The following CDK13 variants were observed in gnomAD, a reference collection of about 807,000 sequenced individuals.
CDK13 encodes cyclin dependent kinase 13, also known as cyclin-dependent kinase 13.
A neutral mutation model predicts 137.6 loss-of-function variants in CDK13; 40 were observed. The observed-to-expected ratio is 0.29, with a 90% CI of 0.23 to 0.38. The LOEUF (loss-of-function observed/expected upper bound fraction) is 0.38, where lower values mean the gene tolerates loss of function less well. Ranked by LOEUF, CDK13 falls within the 10% of genes least tolerant of loss-of-function variation. The pLI is 1.00. For missense variants in CDK13, 1,704 were observed against 1,951.8 expected (o/e 0.87, Z 2.39); for synonymous variants, 869 against 760.1 (o/e 1.14, Z -2.36).
chr7:39,965,193 C>G (rs1041619074), intron 1 of CDK13, among the ~76,000 whole-genome samples: 1 of 152,122 alleles, frequency 6.6e-6, no homozygotes, highest in Non-Finnish European at 1.5e-5. Context: ...AACTTTCTGT[C>G]TCGTTGATCT....
chr7:40,053,762 T>C (rs1222608000), intron 7 of CDK13, among the ~76,000 whole-genome samples: 1 of 152,030 alleles, frequency 6.6e-6, no homozygotes, highest in Non-Finnish European at 1.5e-5. Context: ...TTTTTCTTTT[T>C]TTTTTTTAAG....
chr7:40,068,119 A>G (rs1056780017), intron 9 of CDK13: 5 of 151,602 alleles, frequency 3.3e-5, no homozygotes, highest in Admixed American at 2.0e-4. Flanking sequence ...ATTGTATAAG[A>G]TATTAATCCA....
intron 3 of CDK13, chr7:39,998,946 T>C (rs1784622243): frequency 6.6e-6 from 1 of 152,518 alleles, no homozygotes; most frequent in African/African-American, 2.4e-5. Context: ...TCACATTCTT[T>C]ATCAAACTCT....
chr7:40,041,822 C>G lies in CDK13; in HGVS notation c.2354-4014C>G, dbSNP rs184596354. ...AGTGGCATAAGATATACCAGAAGAA[C>G]TTTTTTGACATATTGTTTTGTTTTT... On this transcript the variant is annotated intron_variant, in intron 5 of 13. Coordinates refer to ENST00000181839, the MANE Select transcript of CDK13 (RefSeq NM_003718.5). Among the ~76,000 whole-genome samples the G allele has an allele frequency of 1.4e-4, 22 of 152,224 alleles. No homozygotes were observed. The East Asian group carries it at 3.9e-3, about 27-fold the overall frequency.
rs146399191 is a variant in CDK13, at chr7:40,076,864, A to G, written c.2781-1141A>G. 4.9e-3 allele frequency among the ~76,000 whole-genome samples: 752 copies of G among 152,322 alleles called. 2 individuals carry two copies. Among genetic ancestry groups the G allele is most frequent in the African/African-American group, 8.9e-3 (371 of 41,572 alleles). Reference sequence around the variant, plus strand: ...TATTTTTACTTTTAATCAGTGATACATCAACGTTTTCTTTTTACATATGCA... The same window carrying G: ...TATTTTTACTTTTAATCAGTGATACGTCAACGTTTTCTTTTTACATATGCA... On this transcript the variant is annotated intron_variant, in intron 9 of 13. Coordinates refer to ENST00000181839, the MANE Select transcript of CDK13 (RefSeq NM_003718.5).
At chr7:40,003,227 TACTC>T (rs1397862832) in intron 5 of CDK13, among the ~76,000 whole-genome samples, 1 of 84,308 alleles carries the variant, frequency 1.2e-5, no homozygotes, top group Admixed American at 1.1e-4. Flanking sequence ...CTCTCTCTCT[TACTC>T]TGTTGAGGGA....
At chr7:40,044,212 C>T (rs183340608) in intron 5 of CDK13, among the ~76,000 whole-genome samples, 68 of 151,340 alleles carry the variant, frequency 4.5e-4, no homozygotes, top group African/African-American at 1.6e-3. Flanking sequence ...TTGTATAATT[C>T]TTGTTAAAGT....
intron 2 of CDK13, among the ~76,000 whole-genome samples, chr7:39,993,564 A>G (rs1562717669): frequency 6.6e-6 from 1 of 152,094 alleles, no homozygotes; most frequent in Non-Finnish European, 1.5e-5. Flanking sequence ...CACAGAATGT[A>G]GTTGTTTTAT....
At chr7:39,953,289 T>A (rs972916569) in intron 1 of CDK13, among the ~76,000 whole-genome samples, 1 of 152,244 alleles carries the variant, frequency 6.6e-6, no homozygotes, top group Non-Finnish European at 1.5e-5. Context: ...TCATCAAAAT[T>A]AGCCATTGTA....
rs531449864 is a variant in CDK13 at position 39,965,841 on chromosome 7, T to A, written c.1211+13989T>A. ...GTGACAAAATCTCTCAGCATTTGCT[T>A]GTCTGTTAAGGATTTTATTTCTCCT... On this transcript the variant is annotated intron_variant, in intron 1 of 13. Transcript: ENST00000181839. Among the ~76,000 whole-genome samples the A allele has an allele frequency of 2.7e-4, 41 of 152,308 alleles. No individual in the cohort carries two copies. The East Asian group carries it at 7.5e-3, about 28-fold the overall frequency.
chr7:40,092,081 G>A (rs1395778745), intron 12 of CDK13, among the ~76,000 whole-genome samples: 1 of 150,932 alleles, frequency 6.6e-6, no homozygotes, highest in Non-Finnish European at 1.5e-5. Flanking sequence ...GCATATTTCT[G>A]TAGGCATTCC....
At chr7:40,027,954 C>A (rs1221205697) in intron 5 of CDK13, among the ~76,000 whole-genome samples, 1 of 150,870 alleles carries the variant, frequency 6.6e-6, no homozygotes, top group African/African-American at 2.4e-5. Flanking sequence ...TTTGATAGCT[C>A]TGTTTTTTCC....
Position 40,077,898 on chromosome 7 carries a change from A to C in CDK13, c.2781-107A>C. ...AAATAACAAAAGTTTTTATAGACCA[A>C]GGCTTCAATTTTTGTGTATTTAAAA... is the stretch of plus-strand genomic sequence containing the variant. On this transcript the variant is annotated intron_variant, in intron 9 of 13. Coordinates refer to ENST00000181839, the MANE Select transcript of CDK13 (RefSeq NM_003718.5). The C allele has an allele frequency of 9.2e-6, 5 of 543,212 alleles. No individual in the cohort carries two copies. The Admixed American group carries it at 1.5e-4, about 17-fold the overall frequency. 33.6% of individuals were successfully genotyped at this position (543,212 alleles called of 1,614,324 possible).
Position 40,030,422 on chromosome 7 carries a change from A to ATTTT in CDK13, c.2354-15390_2354-15387dup, listed in dbSNP as rs34922492. On this transcript the variant is annotated intron_variant, in intron 5 of 13. Transcript: ENST00000181839. ...ACCCCTGCAACTCTGGCAACCACTG[A>ATTTT]TTTTTTTTTTTTTTTTTTTTTTTTT... is the stretch of plus-strand genomic sequence containing the variant. Among the ~76,000 whole-genome samples, 8 of 65,990 alleles carry ATTTT rather than the reference A, an allele frequency of 1.2e-4. 1 individual carries two copies. Among genetic ancestry groups the ATTTT allele is most frequent in the African/African-American group, 2.2e-4 (5 of 22,990 alleles). 43.3% of individuals were successfully genotyped at this position (65,990 alleles called of 152,430 possible).
At chr7:39,986,296 AAAACCTCAGCTTCCTTTCACTT>A (rs1784336808) in intron 1 of CDK13, 1 of 152,216 alleles carries the variant, frequency 6.6e-6, no homozygotes, top group African/African-American at 2.4e-5. Flanking sequence ...CATGGATTTG[AAAACCTCAGCTTCCTTTCACTT>A]GGTACTGTGT....
intron 1 of CDK13, among the ~76,000 whole-genome samples, chr7:39,956,889 G>A (rs1240789681): frequency 2.0e-5 from 3 of 150,742 alleles, no homozygotes; most frequent in Admixed American, 1.3e-4. Flanking sequence ...GCATGGCCAA[G>A]TCTAAACTTC....
At chr7:39,957,046 A>C (rs764267283) in intron 1 of CDK13, among the ~76,000 whole-genome samples, 11 of 151,446 alleles carry the variant, frequency 7.3e-5, no homozygotes, top group Non-Finnish European at 1.3e-4. Flanking sequence ...TTTGCTCTTC[A>C]TCTCCAGCTT....
intron 11 of CDK13, among the ~76,000 whole-genome samples, chr7:40,085,423 C>T (rs1786767624): frequency 6.6e-6 from 1 of 150,928 alleles, no homozygotes; most frequent in Non-Finnish European, 1.5e-5. Flanking sequence ...TGGGAGGGAA[C>T]AAAAGCCCTT....
intron 4 of CDK13, 55 bp from the exon 5 acceptor site, chr7:40,001,806 A>C: frequency 1.8e-6 from 2 of 1,108,344 alleles, no homozygotes; most frequent in Non-Finnish European, 2.7e-6. Context: ...AAGTTAAGAA[A>C]AATGTCATCT....
Sources: allele counts gnomAD v4.1 joint callset (sites outside exome capture counted in the v4.1 genomes callset), GRCh38; gene constraint gnomAD v4.1.1; transcripts MANE v1.5; gene names NCBI Gene and HGNC (gene_info 2026-07-23, HGNC 2026-07-21).